Variants in ATP6V1C2 observed in about 807,000 individuals in gnomAD.
ATP6V1C2 encodes the protein V-type proton ATPase subunit C 2.
A neutral mutation model predicts 56.8 loss-of-function variants in ATP6V1C2; 45 were observed. That is an observed-to-expected ratio of 0.79 (90% CI 0.62 to 1.02). ATP6V1C2 has a LOEUF of 1.02. ATP6V1C2 is among the 50% of genes least tolerant of loss of function. The pLI is 0.00. For synonymous variants in ATP6V1C2, 220 were observed against 201.3 expected (o/e 1.09, Z -0.79); for missense variants, 463 against 519.7 (o/e 0.89, Z 1.06).
intron 5 of ATP6V1C2, among the ~76,000 whole-genome samples, chr2:10,767,386 CT>C (rs1664293813): frequency 6.6e-6 from 1 of 152,084 alleles, no homozygotes; most frequent in Non-Finnish European, 1.5e-5. Context: ...TGGTCCCAAA[CT>C]CCTGAGCTCA....
intron 3 of ATP6V1C2, among the ~76,000 whole-genome samples, chr2:10,731,684 G>A (rs192307017): frequency 3.9e-5 from 6 of 152,220 alleles, no homozygotes; most frequent in Admixed American, 3.9e-4. Context: ...CTTAAGAAAT[G>A]TGAACTGGGC....
At chr2:10,742,056 C>T (rs1243013679) in intron 3 of ATP6V1C2, among the ~76,000 whole-genome samples, 7 of 152,028 alleles carry the variant, frequency 4.6e-5, no homozygotes, top group South Asian at 2.1e-4. Context: ...ATTACAGGCA[C>T]GCACCACCAC....
chr2:10,738,721 G>C (rs1321008382), intron 3 of ATP6V1C2, among the ~76,000 whole-genome samples: 3 of 152,142 alleles, frequency 2.0e-5, no homozygotes, highest in Non-Finnish European at 4.4e-5. Flanking sequence ...TCCAAAGTTG[G>C]TATCATTCTC....
intron 6 of ATP6V1C2, among the ~76,000 whole-genome samples, chr2:10,769,702 AAAAC>A (rs199598869): frequency 0.022 from 3,278 of 151,748 alleles, 46 homozygotes; most frequent in Non-Finnish European, 0.032. Context: ...CTCTGCCTCA[AAAAC>A]AAACAAACAA....
At chr2:10,782,113 C>T (rs1665398507) in intron 12 of ATP6V1C2, 130 bp from the exon 13 acceptor site, 12 of 1,129,914 alleles carry the variant, frequency 1.1e-5, no homozygotes, top group South Asian at 3.1e-5. Context: ...GCATTTTGCT[C>T]GAGTTTGACT....
At chr2:10,778,702 C>T in intron 12 of ATP6V1C2, 33 bp downstream of exon 12, 1 of 1,606,858 alleles carries the variant, frequency 6.2e-7, no homozygotes, top group Non-Finnish European at 8.5e-7. Context: ...CTGGGACTGT[C>T]CTGAGGATGG....
chr2:10,759,726 C>T (rs1365130829), intron 4 of ATP6V1C2, among the ~76,000 whole-genome samples: 1 of 151,886 alleles, frequency 6.6e-6, no homozygotes, highest in Admixed American at 6.6e-5. Context: ...CGCCTGTAAT[C>T]CCAGCACTTT....
At chr2:10,766,464 T>C (rs1664226341) in intron 5 of ATP6V1C2, among the ~76,000 whole-genome samples, 1 of 152,214 alleles carries the variant, frequency 6.6e-6, no homozygotes, top group Non-Finnish European at 1.5e-5. Context: ...AATGTGGGCC[T>C]TACTGGTTCG....
chr2:10,784,156 C>CCA lies in ATP6V1C2; in HGVS notation c.*895_*896dup. 1.3e-6 allele frequency: 1 copy of CCA among 756,560 alleles called. No individual in the cohort carries two copies. The highest frequency in any genetic ancestry group is 2.1e-6 in the Non-Finnish European group (1 of 474,386). 46.9% of individuals were successfully genotyped at this position (756,560 alleles called of 1,614,324 possible). ...CAAGTACTACTTCTTGGTTAAAAGG[C>CCA]CACTGGTAGAGTCATCTGAGTGTAG... On this transcript the variant is annotated 3_prime_UTR_variant, in exon 14 of 14. Transcript: ENST00000272238.
intron 12 of ATP6V1C2, among the ~76,000 whole-genome samples, 196 bp from the exon 13 acceptor site, chr2:10,782,047 A>C (rs144203334): frequency 2.0e-5 from 3 of 152,104 alleles, no homozygotes; most frequent in Non-Finnish European, 4.4e-5. Context: ...TAGCTATCAG[A>C]AGGGGGTTAG....
At chr2:10,766,384 C>G (rs914308270) in intron 5 of ATP6V1C2, among the ~76,000 whole-genome samples, 23 of 152,268 alleles carry the variant, frequency 1.5e-4, no homozygotes, top group African/African-American at 5.3e-4. Flanking sequence ...AATTCCAGGC[C>G]ACTTTGCTCA....
At chr2:10,764,072 CTAATGTG>C (rs1379379791) in intron 4 of ATP6V1C2, among the ~76,000 whole-genome samples, 2 of 152,208 alleles carry the variant, frequency 1.3e-5, no homozygotes, top group Admixed American at 1.3e-4. Context: ...CAGTATTTTG[CTAATGTG>C]TAAAATGCCT....
In ATP6V1C2 at chr2:10,732,827, C is replaced by T. The variant is rs551615520; in HGVS notation, c.197+6258C>T. On this transcript the variant is annotated intron_variant, in intron 3 of 13. Coordinates refer to ENST00000272238, the MANE Select transcript of ATP6V1C2 (RefSeq NM_001039362.2). ...CTCTACTAAAAATACAAAAATTAGC[C>T]GGGCCTGGTGGCAGGCGCCTGTAGT... 5.3e-5 allele frequency among the ~76,000 whole-genome samples: 8 copies of T among 151,724 alleles called. No individual in the cohort carries two copies. The East Asian group carries it at 5.9e-4, about 11-fold the overall frequency.
At chr2:10,764,505 C>T (rs917092007) in intron 5 of ATP6V1C2, 80 bp downstream of exon 5, 30 of 1,195,208 alleles carry the variant, frequency 2.5e-5, no homozygotes, top group Admixed American at 2.0e-4. Context: ...CCCCTGCCAA[C>T]AGCCTCAGCC....
intron 4 of ATP6V1C2, among the ~76,000 whole-genome samples, chr2:10,757,044 A>C (rs1361891143): frequency 9.1e-6 from 1 of 110,294 alleles, no homozygotes; most frequent in Non-Finnish European, 1.7e-5. Context: ...AGACAGTCTC[A>C]CTCTGTTACC....
At chr2:10,744,669 CTTTTTTT>C (rs772851204) in intron 3 of ATP6V1C2, among the ~76,000 whole-genome samples, 5 of 125,566 alleles carry the variant, frequency 4.0e-5, no homozygotes, top group African/African-American at 6.0e-5. Context: ...TTCTCTTTTT[CTTTTTTT>C]TTTTTTTTTT....
rs1665609989 is a variant in ATP6V1C2 at position 10,784,543 on chromosome 2, T to A, written c.*1280T>A. On this transcript the variant is annotated 3_prime_UTR_variant, in exon 14 of 14. Transcript: ENST00000272238. ...ATTTCAACATCACATCACTCACCAT[T>A]TTAACACTGGAAGCCACTTGAACGT... The A allele has an allele frequency of 2.0e-6, 1 of 508,710 alleles. No individual in the cohort carries two copies. The highest frequency in any genetic ancestry group is 3.4e-6 in the Non-Finnish European group (1 of 296,126). The allele number at this position is 508,710 out of a possible 1,614,324, so 31.5% of individuals were successfully genotyped here.
At chr2:10,764,932 C>T (rs749850425) in intron 5 of ATP6V1C2, among the ~76,000 whole-genome samples, 1 of 151,842 alleles carries the variant, frequency 6.6e-6, no homozygotes. Flanking sequence ...GATCATGCCA[C>T]TGCTCTCCAG....
In ATP6V1C2 at chr2:10,774,984, T is replaced by G; in HGVS notation, c.738T>G (p.Thr246=). Residue 246 remains threonine (T), a synonymous_variant, in exon 10 of 14, where the codon ACT becomes ACG. Transcript: ENST00000272238. Reference sequence around the variant, plus strand: ...ATGATTTGCTTGTTTTAAGGTTCACTGTTCGTGAATTTTACTATGATGAGA... The same window carrying G: ...ATGATTTGCTTGTTTTAAGGTTCACGGTTCGTGAATTTTACTATGATGAGA... ...FKTKAKENKF[T]VREFYYDEKE... 1 of 1,613,980 alleles carries G rather than the reference T, an allele frequency of 6.2e-7. No individual in the cohort carries two copies. The highest frequency in any genetic ancestry group is 8.5e-7 in the Non-Finnish European group (1 of 1,179,820).
Sources: allele counts gnomAD v4.1 joint callset (sites outside exome capture counted in the v4.1 genomes callset), GRCh38; gene constraint gnomAD v4.1.1; transcripts MANE v1.5; gene names NCBI Gene and HGNC (gene_info 2026-07-23, HGNC 2026-07-21).